Variants in OLFM3 observed in about 807,000 individuals in gnomAD.
The protein encoded by OLFM3 is noelin-3.
In OLFM3, 20 loss-of-function variants were observed where a neutral mutation model predicts 48.6. The observed-to-expected ratio is 0.41, with a 90% CI of 0.29 to 0.60. The LOEUF is 0.60. Among genes scored for constraint, OLFM3 ranks in the 20% least tolerant of loss-of-function variants. The pLI is 0.28. For synonymous variants in OLFM3, 222 were observed against 198.1 expected (o/e 1.12, Z -1.01); for missense variants, 437 against 544.3 (o/e 0.80, Z 1.96).
intron 1 of OLFM3, among the ~76,000 whole-genome samples, chr1:101,914,822 A>T (rs550276038): frequency 6.6e-6 from 1 of 152,272 alleles, no homozygotes; most frequent in East Asian, 1.9e-4. Context: ...ATACATGCAT[A>T]CTCATGGAGT....
intron 1 of OLFM3, chr1:101,910,247 A>T: frequency 2.6e-6 from 1 of 386,732 alleles, no homozygotes; most frequent in Non-Finnish European, 3.5e-6. Context: ...CGGGCGGATC[A>T]CAAGGTCAGG....
intron 1 of OLFM3, among the ~76,000 whole-genome samples, chr1:101,860,416 TAAC>T (rs1656603808): frequency 6.6e-6 from 1 of 152,098 alleles, no homozygotes; most frequent in Non-Finnish European, 1.5e-5. Flanking sequence ...GCAATTATTT[TAAC>T]AATCTCATTA....
intron 1 of OLFM3, among the ~76,000 whole-genome samples, chr1:101,953,788 C>G (rs1189655842): frequency 6.6e-6 from 1 of 152,092 alleles, no homozygotes; most frequent in African/African-American, 2.4e-5. Context: ...CTGGGCCCAG[C>G]AGGTACTGTG....
chr1:101,935,176 G>A (rs1443745593), intron 1 of OLFM3, among the ~76,000 whole-genome samples: 1 of 151,356 alleles, frequency 6.6e-6, no homozygotes, highest in Non-Finnish European at 1.5e-5. Flanking sequence ...AGACATCAAC[G>A]AATCTAGGAG....
chr1:101,865,370 T>G (rs1483803120), intron 1 of OLFM3, among the ~76,000 whole-genome samples: 1 of 152,190 alleles, frequency 6.6e-6, no homozygotes, highest in Non-Finnish European at 1.5e-5. Context: ...GGCTAAGCCT[T>G]TTCAATCTTT....
chr1:101,808,103 G>T (rs1353909346), intron 4 of OLFM3, among the ~76,000 whole-genome samples: 1 of 148,144 alleles, frequency 6.8e-6, no homozygotes, highest in Non-Finnish European at 1.5e-5. Context: ...ACAAATAGAA[G>T]GGCCTCTCTT....
chr1:101,971,433 A>C (rs570742922), intron 1 of OLFM3, among the ~76,000 whole-genome samples: 2 of 152,206 alleles, frequency 1.3e-5, no homozygotes, highest in Non-Finnish European at 2.9e-5. Context: ...CTTCAGAATG[A>C]AGAAGTCTGC....
rs114628153 is a variant in OLFM3 at position 101,810,195 on chromosome 1, A to G, written c.593-4013T>C. 5.9e-3 allele frequency among the ~76,000 whole-genome samples: 903 copies of G among 152,064 alleles called. 7 individuals carry two copies. The highest frequency in any genetic ancestry group is 0.021 in the African/African-American group (855 of 41,540). On this transcript the variant is annotated intron_variant, in intron 4 of 5. Transcript: ENST00000370103. ...TAAGACTTGAAATTACAACATTGAT[A>G]GGGTTGAACTGTGAATAGTCATGAA... is the stretch of plus-strand genomic sequence containing the variant.
rs150028449 is a variant in OLFM3 at position 101,867,639 on chromosome 1, C to T, written c.70-30614G>A. Among the ~76,000 whole-genome samples, 1,082 of 152,270 alleles carry T rather than the reference C, an allele frequency of 7.1e-3. 7 individuals are homozygous for T. Among genetic ancestry groups the T allele is most frequent in the African/African-American group, 0.025 (1,031 of 41,542 alleles). ...TGAAGACCTTGTACTCCACGATTAG[C>T]CATACCTAGATGTGAATTCTGCCTC... On this transcript the variant is annotated intron_variant, in intron 1 of 5. Transcript: ENST00000370103.
intron 1 of OLFM3, among the ~76,000 whole-genome samples, chr1:101,985,591 A>AT (rs879412505): frequency 3.6e-4 from 55 of 152,312 alleles, no homozygotes; most frequent in African/African-American, 1.2e-3. Flanking sequence ...TAGATTTGAA[A>AT]TAGAGGTTCT....
intron 4 of OLFM3, among the ~76,000 whole-genome samples, chr1:101,822,643 T>C (rs528059384): frequency 1.6e-3 from 250 of 152,336 alleles, no homozygotes; most frequent in Non-Finnish European, 3.0e-3. Context: ...TGGATATTTC[T>C]TTGTAAACTT....
At chr1:101,955,478 C>T (rs1660260713) in intron 1 of OLFM3, among the ~76,000 whole-genome samples, 1 of 152,020 alleles carries the variant, frequency 6.6e-6, no homozygotes, top group East Asian at 1.9e-4. Flanking sequence ...TATTCGATAA[C>T]CTATTTTCAG....
At chr1:101,943,216 T>C (rs750962642) in intron 1 of OLFM3, among the ~76,000 whole-genome samples, 7 of 152,224 alleles carry the variant, frequency 4.6e-5, no homozygotes, top group Non-Finnish European at 1.0e-4. Flanking sequence ...CGGATGAGCC[T>C]GAATCAATTG....
intron 1 of OLFM3, among the ~76,000 whole-genome samples, chr1:101,991,016 A>ATATATAT (rs1314208685): frequency 6.2e-5 from 2 of 32,222 alleles, no homozygotes; most frequent in African/African-American, 1.7e-4. Context: ...AAAAAAAAAA[A>ATATATAT]ATATATATAT....
In OLFM3 at chr1:101,807,850, A is replaced by G. The variant is rs192499997; in HGVS notation, c.593-1668T>C. The stretch of plus-strand genomic sequence containing the variant: ...ATGACATTATCTATGGAATTGCAAG[A>G]CCTTGCATTAAGCCTATTTAGAATA... On this transcript the variant is annotated intron_variant, in intron 4 of 5. Coordinates refer to ENST00000370103, the MANE Select transcript of OLFM3 (RefSeq NM_058170.4). 2.2e-3 allele frequency among the ~76,000 whole-genome samples: 337 copies of G among 151,908 alleles called. 2 individuals carry two copies. Among genetic ancestry groups the G allele is most frequent in the Non-Finnish European group, 1.3e-3 (90 of 67,816 alleles).
At chr1:101,870,205 T>C (rs960867693) in intron 1 of OLFM3, among the ~76,000 whole-genome samples, 2 of 152,096 alleles carry the variant, frequency 1.3e-5, no homozygotes, top group African/African-American at 2.4e-5. Context: ...CCCCCTATAA[T>C]GTGGATATAT....
intron 1 of OLFM3, among the ~76,000 whole-genome samples, chr1:101,945,670 G>A (rs2101064644): frequency 6.6e-6 from 1 of 152,048 alleles, no homozygotes; most frequent in Middle Eastern, 3.4e-3. Context: ...AAAATCTGCT[G>A]GGCACAGTGG....
At chr1:101,831,295 G>A (rs139568155) in intron 2 of OLFM3, among the ~76,000 whole-genome samples, 2 of 152,108 alleles carry the variant, frequency 1.3e-5, no homozygotes, top group Non-Finnish European at 2.9e-5. Flanking sequence ...AGTTCTTAAT[G>A]GGTCTAAAGT....
chr1:101,874,483 C>T (rs917677389), intron 1 of OLFM3, among the ~76,000 whole-genome samples: 1 of 138,670 alleles, frequency 7.2e-6, no homozygotes, highest in African/African-American at 2.6e-5. Flanking sequence ...AATAAGAATT[C>T]TAATAATATA....
Sources: gnomAD v4.1 joint callset for allele counts (sites outside exome capture counted in the v4.1 genomes callset) on GRCh38, gnomAD v4.1.1 for gene constraint, MANE v1.5 for transcripts, NCBI Gene and HGNC (gene_info 2026-07-23, HGNC 2026-07-21) for gene names.